The following RUNDC1 variants were observed in gnomAD, a reference collection of about 807,000 sequenced individuals.
The protein encoded by RUNDC1 is RUN domain containing 1.
Under a neutral mutation model 49.3 loss-of-function variants are expected in RUNDC1, and 31 were observed. The ratio of observed to expected loss-of-function variants is 0.63; its 90% CI spans 0.47 to 0.85. The LOEUF (loss-of-function observed/expected upper bound fraction) is 0.85, where lower values mean the gene tolerates loss of function less well. Ranked by LOEUF, RUNDC1 falls within the 40% of genes least tolerant of loss-of-function variation. The pLI, the probability that RUNDC1 is intolerant of heterozygous loss-of-function variation, is 0.00. For synonymous variants in RUNDC1, 347 were observed against 348.6 expected, an observed-to-expected ratio of 1.00 and a Z score of 0.05; for missense variants, 715 against 806.7, an observed-to-expected ratio of 0.89 and a Z score of 1.38.
Position 42,991,822 on chromosome 17 carries a change from C to T in RUNDC1, c.*106C>T. The T allele has an allele frequency of 8.0e-7, 1 of 1,252,566 alleles. No individual in the cohort carries two copies. The highest frequency in any genetic ancestry group is 1.1e-6 in the Non-Finnish European group (1 of 907,564). 77.6% of individuals were successfully genotyped at this position (1,252,566 alleles called of 1,614,324 possible). ...AGAGGTGGGGTTAAAGGCATTTTTC[C>T]CAGACCCTGCTCAGGCAGTCGGCCA... On this transcript the variant is annotated 3_prime_UTR_variant, in exon 5 of 5. Coordinates refer to ENST00000361677, the MANE Select transcript of RUNDC1 (RefSeq NM_173079.5).
At chr17:42,981,183 T>C in intron 1 of RUNDC1, 109 bp downstream of exon 1, 1 of 1,360,492 alleles carries the variant, frequency 7.4e-7, no homozygotes, top group Non-Finnish European at 9.7e-7. Context: ...CCCGACTCGG[T>C]CGGTGAGTAC....
At chr17:42,989,639 T>G (rs1415996663) in intron 3 of RUNDC1, 100 bp downstream of exon 3, 1 of 1,136,386 alleles carries the variant, frequency 8.8e-7, no homozygotes, top group African/African-American at 1.5e-5. Context: ...TTTTTTGTTC[T>G]TTTTTGGGCG....
chr17:42,990,768 A>G, intron 4 of RUNDC1, 83 bp from the exon 5 acceptor site: 1 of 1,475,618 alleles, frequency 6.8e-7, no homozygotes, highest in South Asian at 1.3e-5. Flanking sequence ...TGTGGCTCAG[A>G]CTGATCTCAG....
At position 42,989,340 on chromosome 17, in the gene RUNDC1, G is replaced by C. The variant is rs2050207839; in HGVS notation, c.658-1G>C. On this transcript the variant is annotated splice_acceptor_variant, in intron 2 of 4. Coordinates refer to ENST00000361677, the MANE Select transcript of RUNDC1 (RefSeq NM_173079.5). LOFTEE classifies it high-confidence loss of function. ...GTGCTCATTGCTTGTGATCTTGGTA[G>C]GTGATCATAGATGAGTTAATAAAGA... 2.5e-6 allele frequency: 4 copies of C among 1,612,460 alleles called. No individual in the cohort carries two copies. In the African/African-American group the frequency reaches 5.3e-5, roughly 22 times the overall value.
Position 42,992,598 on chromosome 17 carries a change from C to G in RUNDC1, c.*882C>G, listed in dbSNP as rs1054455690. 2.1e-5 allele frequency: 3 copies of G among 145,752 alleles called. No individual in the cohort carries two copies. The highest frequency in any genetic ancestry group is 4.5e-5 in the Non-Finnish European group (3 of 66,472). The allele number at this position is 145,752 out of a possible 1,614,324, so 9.0% of individuals were successfully genotyped here. ...AAAAAAAAAAAAAAAAAAAGACATTCAACTTGAGGCTCCTGTTAGTTAAGC... is the reference window on the plus strand; with the variant it reads ...AAAAAAAAAAAAAAAAAAAGACATTGAACTTGAGGCTCCTGTTAGTTAAGC... On this transcript the variant is annotated 3_prime_UTR_variant, in exon 5 of 5. Coordinates refer to ENST00000361677, the MANE Select transcript of RUNDC1 (RefSeq NM_173079.5).
chr17:42,980,819 G>A lies in RUNDC1; in HGVS notation c.243G>A (p.Arg81=), dbSNP rs1473968559. Residue 81 remains arginine, a synonymous_variant, in exon 1 of 5, where the codon CGG becomes CGA. Coordinates refer to ENST00000361677, the MANE Select transcript of RUNDC1 (RefSeq NM_173079.5). ...CGGATTCGCCGGGCCGGACGCTGCG[G>A]CGGCTGCGGGCAGAGCGGCGGCGGC... ...SPPDSPGRTL[R]RLRAERRRLD... 3 of 1,369,182 alleles carry A rather than the reference G, an allele frequency of 2.2e-6. No homozygotes were observed. Among genetic ancestry groups the A allele is most frequent in the African/African-American group, 1.5e-5 (1 of 65,174 alleles). 84.8% of individuals were successfully genotyped at this position (1,369,182 alleles called of 1,614,324 possible).
At position 42,991,595 on chromosome 17, in the gene RUNDC1, A is replaced by C; in HGVS notation, c.1721A>C (p.Tyr574Ser). The C allele has an allele frequency of 6.2e-7, 1 of 1,614,186 alleles. No individual in the cohort carries two copies. The highest frequency in any genetic ancestry group is 1.1e-5 in the South Asian group (1 of 91,086). ...LIEPHYQPWSYMAHTGFESAL... is the reference protein window; with the variant it reads ...LIEPHYQPWSSMAHTGFESAL... ...GAGCCTCACTACCAGCCCTGGAGCT[A>C]CATGGCACACACAGGCTTTGAGAGT... is the stretch of plus-strand genomic sequence containing the variant. Residue 574 changes from tyrosine to serine, a missense_variant, in exon 5 of 5, where the codon TAC becomes TCC. Physicochemically the swap from Tyr to Ser is moderately radical, Grantham distance 144 (BLOSUM62 -2). Around this residue, in one of 5 missense-constraint regions of RUNDC1, gnomAD observed 425 missense variants for 499.7 expected, o/e 0.85. Coordinates refer to ENST00000361677, the MANE Select transcript of RUNDC1 (RefSeq NM_173079.5).
intron 1 of RUNDC1, 105 bp downstream of exon 1, chr17:42,981,179 T>A: frequency 7.3e-7 from 1 of 1,371,354 alleles, no homozygotes; most frequent in Non-Finnish European, 9.7e-7. Flanking sequence ...CCTCCCCGAC[T>A]CGGTCGGTGA....
chr17:42,980,972 C>G lies in RUNDC1; in HGVS notation c.396C>G (p.Arg132=). ...LLRELEDFAF[R]GCPHVLGYEG... ...GGGAGCTCGAAGACTTCGCCTTCCG[C>G]GGCTGCCCTCACGTCCTAGGTTACG... The change falls in exon 1 of 5, where the codon CGC becomes CGG. Residue 132 remains arginine, a synonymous_variant. Transcript: ENST00000361677. The G allele has an allele frequency of 6.5e-7, 1 of 1,542,966 alleles. No homozygotes were observed. The highest frequency in any genetic ancestry group is 8.7e-7 in the Non-Finnish European group (1 of 1,150,514).
intron 1 of RUNDC1, chr17:42,985,560 T>C (rs955642384): frequency 2.1e-5 from 7 of 326,896 alleles, no homozygotes; most frequent in Admixed American, 6.5e-5. Context: ...AGCAAGAGGA[T>C]TGCATTTTAA....
rs2050262026 is a variant in RUNDC1 at position 42,992,765 on chromosome 17, A to G, written c.*1049A>G. ...GCTGCCTCTAAGACTAGGAATAGGAATATCTGAAAACAGCATTTCTAAGGG... is the reference window on the plus strand; with the variant it reads ...GCTGCCTCTAAGACTAGGAATAGGAGTATCTGAAAACAGCATTTCTAAGGG... On this transcript the variant is annotated 3_prime_UTR_variant, in exon 5 of 5. Transcript: ENST00000361677. 1 of 152,184 alleles carries G rather than the reference A, an allele frequency of 6.6e-6. No homozygotes were observed. The highest frequency in any genetic ancestry group is 1.5e-5 in the Non-Finnish European group (1 of 68,038). 9.4% of individuals were successfully genotyped at this position (152,184 alleles called of 1,614,324 possible). A position where few individuals can be genotyped will look rare whatever the true frequency, so the allele number is the denominator to read the frequency against.
chr17:42,986,004 G>C (rs1206020496), intron 1 of RUNDC1, among the ~76,000 whole-genome samples: 2 of 151,656 alleles, frequency 1.3e-5, no homozygotes, highest in Admixed American at 1.3e-4. Flanking sequence ...TTTTGTTTTT[G>C]GTTTTGGTTT....
chr17:42,982,224 C>T (rs979741134), intron 1 of RUNDC1, among the ~76,000 whole-genome samples: 19 of 152,034 alleles, frequency 1.2e-4, no homozygotes, highest in African/African-American at 2.9e-4. Context: ...TGAGCTCAAG[C>T]GATCTGCCCT....
Position 42,989,487 on chromosome 17 carries a change from G to A in RUNDC1, c.804G>A (p.Glu268=). ...CCCGAGTCAAAGAACAGTTGGTTGA[G>A]CAACTGAAAACTCAGATCCGAGACC... ...NPARVKEQLV[E]QLKTQIRDLE... is the part of the protein sequence containing the mutation. Residue 268 remains glutamate (E), a synonymous_variant, in exon 3 of 5, where the codon GAG becomes GAA. Transcript: ENST00000361677. 1.9e-6 allele frequency: 3 copies of A among 1,614,146 alleles called. No individual in the cohort carries two copies. Among genetic ancestry groups the A allele is most frequent in the Non-Finnish European group, 2.5e-6 (3 of 1,180,024 alleles).
chr17:42,985,148 A>G (rs1329566515), intron 1 of RUNDC1, among the ~76,000 whole-genome samples: 2 of 151,828 alleles, frequency 1.3e-5, no homozygotes, highest in African/African-American at 4.8e-5. Context: ...TGGCCTCCCA[A>G]AGTGCTGGGA....
intron 3 of RUNDC1, 57 bp from the exon 4 acceptor site, chr17:42,990,260 T>A (rs2050220512): frequency 6.3e-7 from 1 of 1,583,150 alleles, no homozygotes; most frequent in Non-Finnish European, 8.6e-7. Flanking sequence ...TATTTTTCCT[T>A]TAAAGATCTG....
At chr17:42,988,846 G>A (rs892321788) in intron 2 of RUNDC1, among the ~76,000 whole-genome samples, 7 of 152,058 alleles carry the variant, frequency 4.6e-5, no homozygotes, top group African/African-American at 1.7e-4. Flanking sequence ...AGGTGGTAGC[G>A]TGTGTCTATA....
At chr17:42,985,411 G>A (rs1266088122) in intron 1 of RUNDC1, among the ~76,000 whole-genome samples, 1 of 152,086 alleles carries the variant, frequency 6.6e-6, no homozygotes, top group Non-Finnish European at 1.5e-5. Context: ...GGGGAAATCA[G>A]GAAGCCTCTT....
intron 2 of RUNDC1, 129 bp from the exon 3 acceptor site, chr17:42,989,208 GTCAT>G: frequency 1.5e-6 from 1 of 655,194 alleles, no homozygotes; most frequent in South Asian, 1.8e-5. Flanking sequence ...CAGCAGTTAA[GTCAT>G]TTACTTTCAC....
Sources: allele counts gnomAD v4.1 joint callset (sites outside exome capture counted in the v4.1 genomes callset), GRCh38; gene constraint gnomAD v4.1.1; regional missense constraint gnomAD v4.1.1; transcripts MANE v1.5; gene names NCBI Gene and HGNC (gene_info 2026-07-23, HGNC 2026-07-21).